SNX27: variants seen among roughly 807,000 people sequenced by gnomAD.
SNX27 encodes sorting nexin-27.
Under a neutral mutation model 71.6 loss-of-function variants are expected in SNX27, and 22 were observed. That is an observed-to-expected ratio of 0.31 (90% CI 0.22 to 0.44). The LOEUF is 0.44. SNX27 is among the 20% of genes least tolerant of loss of function. The pLI is 1.00. For synonymous variants in SNX27, 269 were observed against 277.2 expected, an observed-to-expected ratio of 0.97 and a Z score of 0.29; for missense variants, 531 against 698.6, an observed-to-expected ratio of 0.76 and a Z score of 2.70.
intron 1 of SNX27, among the ~76,000 whole-genome samples, chr1:151,617,511 C>G (rs1032339225): frequency 6.6e-6 from 1 of 152,110 alleles, no homozygotes; most frequent in Non-Finnish European, 1.5e-5. Flanking sequence ...CTCAAACTCC[C>G]CACCTCAGGT....
rs1669985377 is a variant in SNX27, at chr1:151,662,053, A to T, written c.802-113A>T. The T allele has an allele frequency of 9.6e-6, 6 of 628,264 alleles. No individual in the cohort carries two copies. In the South Asian group the frequency reaches 1.0e-4, roughly 11 times the overall value. 38.9% of individuals were successfully genotyped at this position (628,264 alleles called of 1,614,324 possible). A position where few individuals can be genotyped will look rare whatever the true frequency, so the allele number is the denominator to read the frequency against. Reference sequence around the variant, plus strand: ...ATGTATTGATTTTTTTCCCGTTTTCATTGGAACTCACTTCTTCTCTACCAC... The same window carrying T: ...ATGTATTGATTTTTTTCCCGTTTTCTTTGGAACTCACTTCTTCTCTACCAC... On this transcript the variant is annotated intron_variant, in intron 4 of 11. Transcript: ENST00000458013.
In SNX27 at chr1:151,658,331, T is replaced by A; in HGVS notation, c.640T>A (p.Phe214Ile). The A allele has an allele frequency of 6.2e-7, 1 of 1,614,186 alleles. No homozygotes were observed. Among genetic ancestry groups the A allele is most frequent in the Non-Finnish European group, 8.5e-7 (1 of 1,180,024 alleles). Reference protein sequence around the residue: ...HQNLKREFANFTFPRLPGKWP... With the variant: ...HQNLKREFANITFPRLPGKWP... ...GAACCTGAAGAGAGAGTTTGCCAAC[T>A]TTACATTTCCTCGACTCCCAGGGAA... Residue 214 changes from phenylalanine (F) to isoleucine (I), a missense_variant, in exon 3 of 12, where the codon TTT becomes ATT. Phe to Ile is a conservative substitution (Grantham distance 21, BLOSUM62 0). Coordinates refer to ENST00000458013, the MANE Select transcript of SNX27 (RefSeq NM_001330723.2).
chr1:151,658,644 C>T lies in SNX27; in HGVS notation c.736+217C>T, dbSNP rs1669811377. Among the ~76,000 whole-genome samples, 3 of 151,914 alleles carry T rather than the reference C, an allele frequency of 2.0e-5. No individual in the cohort carries two copies. In the South Asian group the frequency reaches 6.2e-4, roughly 31 times the overall value. ...TGGTTTGTTGAATGCTTAACAACAA[C>T]AGAAAAATGAATATTTAGTTTTTGA... On this transcript the variant is annotated intron_variant, in intron 3 of 11. Coordinates refer to ENST00000458013, the MANE Select transcript of SNX27 (RefSeq NM_001330723.2).
At chr1:151,631,794 T>C (rs1668247955) in intron 1 of SNX27, among the ~76,000 whole-genome samples, 1 of 152,028 alleles carries the variant, frequency 6.6e-6, no homozygotes, top group African/African-American at 2.4e-5. Flanking sequence ...CAAGCAATCC[T>C]CTCAGGTAGC....
intron 8 of SNX27, among the ~76,000 whole-genome samples, chr1:151,687,764 C>G (rs1671245453): frequency 6.6e-6 from 1 of 151,898 alleles, no homozygotes; most frequent in African/African-American, 2.4e-5. Flanking sequence ...CTGGCTAACA[C>G]GGTGAAACCT....
At chr1:151,694,321 A>G (rs530279691) in intron 11 of SNX27, 49 bp from the exon 12 acceptor site, 15 of 1,547,712 alleles carry the variant, frequency 9.7e-6, no homozygotes, top group South Asian at 8.3e-5. Context: ...TTGTCTCCAG[A>G]TAAGAGGAGA....
chr1:151,612,582 T>A lies in SNX27; in HGVS notation c.311+70T>A. ...CCTGCCCCTGCACTCCTCGCTACCC[T>A]TGTCACCCCCAGGCCGCACCTCCCC... is the stretch of plus-strand genomic sequence containing the variant. On this transcript the variant is annotated intron_variant, in intron 1 of 11. Coordinates refer to ENST00000458013, the MANE Select transcript of SNX27 (RefSeq NM_001330723.2). The surrounding 1 kb of genome is among the most constrained non-coding windows in gnomAD (Gnocchi z 5.2). The A allele has an allele frequency of 9.2e-7, 1 of 1,082,208 alleles. No homozygotes were observed. The highest frequency in any genetic ancestry group is 1.2e-6 in the Non-Finnish European group (1 of 869,088). 67.0% of individuals were successfully genotyped at this position (1,082,208 alleles called of 1,614,324 possible).
chr1:151,696,461 TTTTCTTTCTTTCTTTCTTTCTTTCTTTC>T lies in SNX27; in HGVS notation c.*2061_*2088del, dbSNP rs57979858. The T allele has an allele frequency of 7.9e-6, 1 of 125,982 alleles. No individual in the cohort carries two copies. Among genetic ancestry groups the T allele is most frequent in the African/African-American group, 3.2e-5 (1 of 31,102 alleles). 7.8% of individuals were successfully genotyped at this position (125,982 alleles called of 1,614,324 possible). ...TTTTGCAAATCATTGTGAGGCCACT[TTTTCTTTCTTTCTTTCTTTCTTTCTTTC>T]TTTCTTTCTTTCTTTCGTTCTTTCG... On this transcript the variant is annotated 3_prime_UTR_variant, in exon 12 of 12. Transcript: ENST00000458013.
intron 7 of SNX27, among the ~76,000 whole-genome samples, chr1:151,672,186 T>C (rs1200411989): frequency 6.6e-6 from 1 of 152,174 alleles, no homozygotes; most frequent in Non-Finnish European, 1.5e-5. Context: ...ACCCAGTTTT[T>C]TGAGGGGTTT....
At chr1:151,660,519 A>G in intron 3 of SNX27, 1 of 322,666 alleles carries the variant, frequency 3.1e-6, no homozygotes, top group Non-Finnish European at 5.8e-6. Flanking sequence ...GCAAAGTTAT[A>G]TTTACGGAAC....
chr1:151,651,039 C>T (rs1669316068), intron 2 of SNX27, among the ~76,000 whole-genome samples: 1 of 152,092 alleles, frequency 6.6e-6, no homozygotes, highest in African/African-American at 2.4e-5. Flanking sequence ...ATTTCTCAAT[C>T]TTTTCCCCAC....
At chr1:151,618,921 G>GA (rs1187933586) in intron 1 of SNX27, among the ~76,000 whole-genome samples, 2 of 150,376 alleles carry the variant, frequency 1.3e-5, no homozygotes, top group Non-Finnish European at 3.0e-5. Flanking sequence ...CCCACATTTG[G>GA]AAAAAAATTT....
chr1:151,636,980 A>G (rs1217838501), intron 1 of SNX27, among the ~76,000 whole-genome samples: 1 of 152,086 alleles, frequency 6.6e-6, no homozygotes, highest in Admixed American at 6.6e-5. Context: ...CTCTGTTAGG[A>G]ACTTATTGTC....
intron 2 of SNX27, among the ~76,000 whole-genome samples, chr1:151,651,541 A>C (rs1262810627): frequency 2.0e-5 from 3 of 148,896 alleles, no homozygotes; most frequent in African/African-American, 7.4e-5. Flanking sequence ...GGCCGGGCAG[A>C]GATGCTCCTC....
chr1:151,635,586 C>T (rs925329281), intron 1 of SNX27, among the ~76,000 whole-genome samples: 3 of 152,090 alleles, frequency 2.0e-5, no homozygotes, highest in African/African-American at 7.2e-5. Context: ...CTGTGAAGAC[C>T]TCTTAATTCT....
At chr1:151,665,477 C>G (rs1018490324) in intron 5 of SNX27, among the ~76,000 whole-genome samples, 1 of 152,154 alleles carries the variant, frequency 6.6e-6, no homozygotes, top group Non-Finnish European at 1.5e-5. Context: ...ACTCTAGAAT[C>G]AAATATATAG....
Position 151,660,518 on chromosome 1 carries a change from T to C in SNX27, c.737-280T>C, listed in dbSNP as rs1337142999. 1.6e-5 allele frequency: 5 copies of C among 321,330 alleles called. No individual in the cohort carries two copies. In the East Asian group the frequency reaches 1.8e-4, roughly 11 times the overall value. The allele number at this position is 321,330 out of a possible 1,614,324, so 19.9% of individuals were successfully genotyped here. The stretch of plus-strand genomic sequence containing the variant: ...TAGGTCACACAAGACTGCAAAGTTA[T>C]ATTTACGGAACTTTTATTTCTCCCT... On this transcript the variant is annotated intron_variant, in intron 3 of 11. Transcript: ENST00000458013.
intron 1 of SNX27, among the ~76,000 whole-genome samples, chr1:151,636,809 C>T (rs1443876941): frequency 6.6e-6 from 1 of 151,760 alleles, no homozygotes; most frequent in Non-Finnish European, 1.5e-5. Context: ...ACTAGTAAGG[C>T]CAAATACTTA....
chr1:151,693,096 TC>T, intron 10 of SNX27, 57 bp downstream of exon 10: 1 of 1,590,440 alleles, frequency 6.3e-7, no homozygotes, highest in East Asian at 2.2e-5. Context: ...GTTTTTTTTT[TC>T]AGCTAAATGC....
Sources: allele counts gnomAD v4.1 joint callset (sites outside exome capture counted in the v4.1 genomes callset), GRCh38; gene constraint gnomAD v4.1.1; non-coding constraint Gnocchi (gnomAD v3.1); transcripts MANE v1.5; gene names NCBI Gene and HGNC (gene_info 2026-07-23, HGNC 2026-07-21).